Variants in PPARD observed in about 807,000 individuals in gnomAD.
PPARD encodes peroxisome proliferator-activated receptor delta.
PPARD carries 6 observed loss-of-function variants against 39.5 expected under a neutral mutation model. The ratio of observed to expected loss-of-function variants is 0.15; its 90% confidence interval spans 0.08 to 0.30. The LOEUF is 0.30. Among genes scored for constraint, PPARD ranks in the 10% least tolerant of loss-of-function variants. The pLI, the probability that PPARD is intolerant of heterozygous loss-of-function variation, is 1.00. For synonymous variants in PPARD, 210 were observed against 231.3 expected (o/e 0.91, Z 0.83); for missense variants, 397 against 596.8 (o/e 0.67, Z 3.49).
intron 2 of PPARD, among the ~76,000 whole-genome samples, chr6:35,352,536 G>A (rs1030822817): frequency 2.6e-5 from 4 of 152,298 alleles, no homozygotes; most frequent in African/African-American, 9.6e-5. Flanking sequence ...AATAAAGTTA[G>A]TTTTTATTTA....
In PPARD at chr6:35,377,871, C is replaced by CTTTTTTTTTTTTTTTTTTTT. The variant is rs540687692; in HGVS notation, c.-102+30732_-102+30733insTTTTTTTTTTTTTTTTTTTT. 3.8e-3 allele frequency among the ~76,000 whole-genome samples: 457 copies of CTTTTTTTTTTTTTTTTTTTT among 120,238 alleles called. 39 individuals carry two copies. The highest frequency in any genetic ancestry group is 0.014 in the African/African-American group (322 of 22,748). The allele number at this position is 120,238 out of a possible 152,430, so 78.9% of individuals were successfully genotyped here. A position where few individuals can be genotyped will look rare whatever the true frequency, so the allele number is the denominator to read the frequency against. On this transcript the variant is annotated intron_variant, in intron 2 of 7. Transcript: ENST00000360694. ...TGTGGGTCGCTGCTTGTTTACGTAT[C>CTTTTTTTTTTTTTTTTTTTT]TTTTTTTTTTTGAGACAGAGTGTTG...
At chr6:35,389,381 G>A (rs897011182) in intron 2 of PPARD, among the ~76,000 whole-genome samples, 16 of 151,890 alleles carry the variant, frequency 1.1e-4, no homozygotes, top group African/African-American at 3.9e-4. Context: ...GCACTATCTC[G>A]GCTCACTGCA....
intron 2 of PPARD, 105 bp from the exon 3 acceptor site, chr6:35,410,882 G>GATCTCGGTGGTCGCCGTATCATTA: frequency 8.1e-7 from 1 of 1,228,466 alleles, no homozygotes; most frequent in South Asian, 3.8e-5. Flanking sequence ...AGCAGGAGCA[G>GATCTCGGTGGTCGCCGTATCATTA]AAGAACCCCC....
chr6:35,351,150 C>T (rs550579148), intron 2 of PPARD, among the ~76,000 whole-genome samples: 15 of 152,056 alleles, frequency 9.9e-5, no homozygotes, highest in African/African-American at 3.6e-4. Flanking sequence ...CTCAGCCTCC[C>T]GAGTAGCTGG....
chr6:35,384,505 C>T (rs1312897766), intron 2 of PPARD, among the ~76,000 whole-genome samples: 9 of 112,144 alleles, frequency 8.0e-5, no homozygotes, highest in Non-Finnish European at 1.1e-4. Context: ...GCCCCCCGCC[C>T]GGCCAGCCGC....
chr6:35,414,913 C>T (rs1382994307), intron 3 of PPARD, among the ~76,000 whole-genome samples: 1 of 152,148 alleles, frequency 6.6e-6, no homozygotes, highest in East Asian at 1.9e-4. Flanking sequence ...ACCCTCCCCC[C>T]AGCCAGGCAG....
At chr6:35,420,424 T>A in intron 4 of PPARD, 143 bp downstream of exon 4, 3 of 1,183,156 alleles carry the variant, frequency 2.5e-6, no homozygotes. Flanking sequence ...GCCAGGCCCT[T>A]GTGCTCCAGA....
intron 2 of PPARD, among the ~76,000 whole-genome samples, chr6:35,379,966 A>G (rs889336099): frequency 1.3e-5 from 2 of 152,172 alleles, no homozygotes; most frequent in African/African-American, 4.8e-5. Flanking sequence ...TGAGGTATCA[A>G]GGTTTGTCCT....
chr6:35,377,298 A>AT (rs1334363246), intron 2 of PPARD, among the ~76,000 whole-genome samples: 1 of 152,040 alleles, frequency 6.6e-6, no homozygotes, highest in Admixed American at 6.5e-5. Context: ...TACGGACGTC[A>AT]TTTGTTTTAT....
intron 2 of PPARD, among the ~76,000 whole-genome samples, chr6:35,354,393 C>T (rs1476966125): frequency 3.4e-5 from 5 of 147,100 alleles, no homozygotes; most frequent in South Asian, 2.2e-4. Flanking sequence ...CTCTGCCTCC[C>T]GGGTTAAAGT....
intron 2 of PPARD, among the ~76,000 whole-genome samples, chr6:35,364,314 T>G (rs755670730): frequency 6.6e-6 from 1 of 152,246 alleles, no homozygotes; most frequent in Non-Finnish European, 1.5e-5. Context: ...TTGGGTTGTT[T>G]CCATTTTTTG....
chr6:35,352,757 T>C (rs1478794478), intron 2 of PPARD, among the ~76,000 whole-genome samples: 1 of 152,190 alleles, frequency 6.6e-6, no homozygotes, highest in Non-Finnish European at 1.5e-5. Flanking sequence ...ATGGAGTGCG[T>C]ATACATGACC....
intron 2 of PPARD, among the ~76,000 whole-genome samples, chr6:35,351,487 C>T (rs555220977): frequency 1.3e-5 from 2 of 152,228 alleles, no homozygotes; most frequent in Admixed American, 6.5e-5. Context: ...GGTCAATACA[C>T]GTTTTCTAAA....
At chr6:35,407,587 C>T (rs1035167814) in intron 2 of PPARD, among the ~76,000 whole-genome samples, 8 of 151,924 alleles carry the variant, frequency 5.3e-5, no homozygotes, top group Non-Finnish European at 7.4e-5. Context: ...GGGTGCAGCA[C>T]ACCAGCATCG....
rs1408146184 is a variant in PPARD, at chr6:35,425,311, A to G, written c.1079-521A>G. ...AAGGACTAACAGGCAGTATGCTGTC[A>G]TGTTAATGTGGGGTGGAAAAATTGT... On this transcript the variant is annotated intron_variant, in intron 7 of 7. Transcript: ENST00000360694. The surrounding 1 kb of genome is among the most constrained non-coding windows in gnomAD (Gnocchi z 4.5). 9.9e-7 allele frequency: 1 copy of G among 1,009,644 alleles called. No homozygotes were observed. Among genetic ancestry groups the G allele is most frequent in the Non-Finnish European group, 1.2e-6 (1 of 844,408 alleles). 62.5% of individuals were successfully genotyped at this position (1,009,644 alleles called of 1,614,324 possible).
At chr6:35,398,246 C>A (rs911882926) in intron 2 of PPARD, among the ~76,000 whole-genome samples, 2 of 152,076 alleles carry the variant, frequency 1.3e-5, no homozygotes, top group African/African-American at 4.8e-5. Context: ...GCCAGAAAGC[C>A]AGTTAGGAGG....
At chr6:35,421,069 C>T (rs1372218244) in intron 4 of PPARD, among the ~76,000 whole-genome samples, 3 of 152,044 alleles carry the variant, frequency 2.0e-5, no homozygotes, top group Non-Finnish European at 4.4e-5. Flanking sequence ...TCAGGTGATC[C>T]ACCTGCCTTG....
chr6:35,363,905 CTG>C lies in PPARD; in HGVS notation c.-102+16759_-102+16760del, dbSNP rs1294705326. 5.3e-5 allele frequency among the ~76,000 whole-genome samples: 8 copies of C among 149,750 alleles called. No individual in the cohort carries two copies. Among genetic ancestry groups the C allele is most frequent in the African/African-American group, 1.7e-4 (7 of 40,532 alleles). On this transcript the variant is annotated intron_variant, in intron 2 of 7. Coordinates refer to ENST00000360694, the MANE Select transcript of PPARD (RefSeq NM_006238.5). The surrounding 1 kb of genome is among the most constrained non-coding windows in gnomAD (Gnocchi z 4.5). ...TACTTTGATGGTTTTTGTATATTAA[CTG>C]TGTTTTATATATTATATTAAATTAA... is the stretch of plus-strand genomic sequence containing the variant.
At chr6:35,409,531 A>C (rs1765283687) in intron 2 of PPARD, among the ~76,000 whole-genome samples, 1 of 139,888 alleles carries the variant, frequency 7.1e-6, no homozygotes, top group African/African-American at 2.5e-5. Flanking sequence ...CAACAAAAAA[A>C]CCCATCAGAA....
Sources: gnomAD v4.1 joint callset for allele counts (sites outside exome capture counted in the v4.1 genomes callset) on GRCh38, gnomAD v4.1.1 for gene constraint, Gnocchi (gnomAD v3.1) non-coding constraint, MANE v1.5 for transcripts, NCBI Gene and HGNC (gene_info 2026-07-23, HGNC 2026-07-21) for gene names.